ANKH: variants seen among roughly 807,000 people sequenced by gnomAD.
ANKH encodes ANKH inorganic pyrophosphate transport regulator, also known as mineralization regulator ANKH.
In ANKH, 15 loss-of-function variants were observed where a neutral mutation model predicts 49.0. The ratio of observed to expected loss-of-function variants is 0.31; its 90% CI spans 0.20 to 0.47. The LOEUF (loss-of-function observed/expected upper bound fraction) is 0.47, where lower values mean the gene tolerates loss of function less well. ANKH is among the 20% of genes least tolerant of loss of function. The pLI is 1.00. For missense variants in ANKH, 429 were observed against 652.0 expected, an observed-to-expected ratio of 0.66 and a Z score of 3.72; for synonymous variants, 273 against 260.0, an observed-to-expected ratio of 1.05 and a Z score of -0.48.
At chr5:14,738,066 A>G (rs1226222468) in intron 8 of ANKH, among the ~76,000 whole-genome samples, 2 of 152,232 alleles carry the variant, frequency 1.3e-5, no homozygotes, top group Non-Finnish European at 2.9e-5. Flanking sequence ...ACTGGGCAGA[A>G]GACATCTGCT....
At chr5:14,838,357 C>G (rs1741719942) in intron 1 of ANKH, among the ~76,000 whole-genome samples, 2 of 151,584 alleles carry the variant, frequency 1.3e-5, no homozygotes, top group South Asian at 4.2e-4. Context: ...GCACATTGTG[C>G]ACATGTACCC....
At chr5:14,819,853 G>T (rs567291412) in intron 1 of ANKH, among the ~76,000 whole-genome samples, 127 of 151,524 alleles carry the variant, frequency 8.4e-4, no homozygotes, top group Non-Finnish European at 1.7e-3. Flanking sequence ...ATGACAGAGT[G>T]AAAGCTCGTC....
intron 1 of ANKH, among the ~76,000 whole-genome samples, chr5:14,839,565 G>T: frequency 6.6e-6 from 1 of 151,374 alleles, no homozygotes; most frequent in South Asian, 2.1e-4. Flanking sequence ...ATAAGAAAGG[G>T]TTTTTGTTTG....
chr5:14,830,541 G>C (rs1222555761), intron 1 of ANKH, among the ~76,000 whole-genome samples: 1 of 143,918 alleles, frequency 6.9e-6, no homozygotes, highest in Non-Finnish European at 1.6e-5. Context: ...GTGTGTGTCT[G>C]TGTGTGTGTG....
chr5:14,786,045 CAA>C (rs71603742), intron 1 of ANKH, among the ~76,000 whole-genome samples: 819 of 67,152 alleles, frequency 0.012, 3 homozygotes, highest in African/African-American at 0.039. Context: ...GACTCTGTCT[CAA>C]AAAAAAAAAA....
intron 8 of ANKH, among the ~76,000 whole-genome samples, chr5:14,719,555 G>C (rs533536489): frequency 6.6e-6 from 1 of 152,224 alleles, no homozygotes; most frequent in Non-Finnish European, 1.5e-5. Context: ...TACTTGAAAA[G>C]CGATTTACAC....
chr5:14,786,542 G>C (rs1268441828), intron 1 of ANKH, among the ~76,000 whole-genome samples: 1 of 152,152 alleles, frequency 6.6e-6, no homozygotes, highest in African/African-American at 2.4e-5. Context: ...CAGAGAAGCC[G>C]GCTCCCAGAA....
chr5:14,854,485 G>A (rs1404672740), intron 1 of ANKH, among the ~76,000 whole-genome samples: 1 of 152,118 alleles, frequency 6.6e-6, no homozygotes, highest in East Asian at 1.9e-4. Context: ...TTTGAGACTA[G>A]CCTGGACAAC....
intron 8 of ANKH, among the ~76,000 whole-genome samples, chr5:14,728,664 G>A (rs1737897098): frequency 6.6e-6 from 1 of 152,222 alleles, no homozygotes; most frequent in African/African-American, 2.4e-5. Context: ...GACAGCTATG[G>A]CTTGGGGGAA....
Position 14,708,330 on chromosome 5 carries a change from CA to C in ANKH, c.*2866del, listed in dbSNP as rs1354675812. ...TTTTTAGATTGTATTCATCCACAAG[CA>C]ATCACTCAGTTTTGGAGAAAGTCAC... is the stretch of plus-strand genomic sequence containing the variant. On this transcript the variant is annotated 3_prime_UTR_variant, in exon 12 of 12. Transcript: ENST00000284268. The C allele has an allele frequency of 1.3e-5, 2 of 152,226 alleles. No individual in the cohort carries two copies. Among genetic ancestry groups the C allele is most frequent in the African/African-American group, 4.8e-5 (2 of 41,462 alleles). 9.4% of individuals were successfully genotyped at this position (152,226 alleles called of 1,614,324 possible). A position where few individuals can be genotyped will look rare whatever the true frequency, so the allele number is the denominator to read the frequency against.
At chr5:14,812,908 T>C (rs184763915) in intron 1 of ANKH, among the ~76,000 whole-genome samples, 15 of 152,352 alleles carry the variant, frequency 9.8e-5, no homozygotes, top group African/African-American at 3.6e-4. Flanking sequence ...AAATGAGTGC[T>C]ACCTACAGTA....
rs1335952893 is a variant in ANKH at position 14,707,506 on chromosome 5, A to G, written c.*3691T>C. On this transcript the variant is annotated 3_prime_UTR_variant, in exon 12 of 12. Transcript: ENST00000284268. ...TTGAGAGTTACGATATGTAATGATT[A>G]TTCCAACCAGGAGAGAGATCCAGAG... 6.6e-6 allele frequency: 1 copy of G among 152,204 alleles called. No homozygotes were observed. The highest frequency in any genetic ancestry group is 1.5e-5 in the Non-Finnish European group (1 of 68,036). 9.4% of individuals were successfully genotyped at this position (152,204 alleles called of 1,614,324 possible).
At chr5:14,844,655 A>G (rs1741905410) in intron 1 of ANKH, among the ~76,000 whole-genome samples, 1 of 152,218 alleles carries the variant, frequency 6.6e-6, no homozygotes, top group Non-Finnish European at 1.5e-5. Context: ...ACAGGTGGCT[A>G]TTTAAAGACG....
In ANKH at chr5:14,728,943, G is replaced by A. The variant is rs560843302; in HGVS notation, c.1012-12108C>T. Among the ~76,000 whole-genome samples, 7 of 152,318 alleles carry A rather than the reference G, an allele frequency of 4.6e-5. No individual in the cohort carries two copies. The South Asian group carries it at 8.3e-4, about 18-fold the overall frequency. ...AGGAGCAGCACAAGCTCACCAGGGC[G>A]CGGAAGGCCCTCTCCACTACACATG... On this transcript the variant is annotated intron_variant, in intron 8 of 11. Coordinates refer to ENST00000284268, the MANE Select transcript of ANKH (RefSeq NM_054027.6).
intron 1 of ANKH, among the ~76,000 whole-genome samples, chr5:14,814,510 G>A (rs969399497): frequency 6.6e-6 from 1 of 152,216 alleles, no homozygotes; most frequent in Non-Finnish European, 1.5e-5. Flanking sequence ...GGAGGCTGAG[G>A]TGGTAGGATG....
At chr5:14,798,502 T>TTA (rs397691522) in intron 1 of ANKH, 38 of 920,748 alleles carry the variant, frequency 4.1e-5, no homozygotes, top group Non-Finnish European at 5.9e-5. Flanking sequence ...TTTTTTTTTT[T>TTA]AATTAACAAA....
At position 14,707,095 on chromosome 5, in the gene ANKH, G is replaced by A. The variant is rs995834402; in HGVS notation, c.*4102C>T. 1.3e-5 allele frequency: 2 copies of A among 152,162 alleles called. No homozygotes were observed. The highest frequency in any genetic ancestry group is 2.9e-5 in the Non-Finnish European group (2 of 68,038). The allele number at this position is 152,162 out of a possible 1,614,324, so 9.4% of individuals were successfully genotyped here. A position where few individuals can be genotyped will look rare whatever the true frequency, so the allele number is the denominator to read the frequency against. On this transcript the variant is annotated 3_prime_UTR_variant, in exon 12 of 12. Coordinates refer to ENST00000284268, the MANE Select transcript of ANKH (RefSeq NM_054027.6). ...CACTAGTTTGATTGATGAAGACGTC[G>A]TCCTAAGTTTAGAAGTCAGCTCACC...
At chr5:14,741,639 C>T in intron 8 of ANKH, 188 bp downstream of exon 8, 1 of 586,430 alleles carries the variant, frequency 1.7e-6, no homozygotes, top group East Asian at 2.9e-5. Flanking sequence ...GTCCTTTATT[C>T]CTAGACTCAA....
chr5:14,860,613 C>T (rs1028592610), intron 1 of ANKH, among the ~76,000 whole-genome samples: 3 of 152,072 alleles, frequency 2.0e-5, no homozygotes, highest in South Asian at 2.1e-4. Flanking sequence ...AGGTGGTTCA[C>T]GGATAAAAAA....
Sources: allele counts gnomAD v4.1 joint callset (sites outside exome capture counted in the v4.1 genomes callset), GRCh38; gene constraint gnomAD v4.1.1; transcripts MANE v1.5; gene names NCBI Gene and HGNC (gene_info 2026-07-23, HGNC 2026-07-21).